Variants in VASH1 observed in about 807,000 individuals in gnomAD.
The protein encoded by VASH1 is tubulinyl-Tyr carboxypeptidase 1.
A neutral mutation model predicts 35.0 loss-of-function variants in VASH1; 16 were observed. The ratio of observed to expected loss-of-function variants is 0.46; its 90% CI spans 0.31 to 0.70. The LOEUF (loss-of-function observed/expected upper bound fraction) is 0.70. VASH1 is among the 30% of genes least tolerant of loss of function. The pLI is 0.05. For missense variants in VASH1, 505 were observed against 510.7 expected, an observed-to-expected ratio of 0.99 and a Z score of 0.11; for synonymous variants, 214 against 200.9, an observed-to-expected ratio of 1.07 and a Z score of -0.55.
Position 76,776,051 on chromosome 14 carries a change from G to A in VASH1, c.690G>A (p.Pro230=), listed in dbSNP as rs758050511. 2 of 1,610,400 alleles carry A rather than the reference G, an allele frequency of 1.2e-6. No homozygotes were observed. Among genetic ancestry groups the A allele is most frequent in the East Asian group, 2.2e-5 (1 of 44,832 alleles). The change falls in exon 5 of 7, where the codon CCG becomes CCA. Residue 230 remains proline, a synonymous_variant. Transcript: ENST00000167106. ...GGCGCGAGGACCTGATGTACAAGCC[G>A]CCCGCCTTCCGCACGCTCAGCGAGC... ...MSRREDLMYK[P]PAFRTLSELV...
At chr14:76,775,640 G>A (rs968722385) in intron 4 of VASH1, among the ~76,000 whole-genome samples, 1 of 152,180 alleles carries the variant, frequency 6.6e-6, no homozygotes, top group Non-Finnish European at 1.5e-5. Context: ...GGACTTCAGA[G>A]CGGTGGCCAC....
At chr14:76,778,172 C>T in intron 6 of VASH1, 101 bp downstream of exon 6, 1 of 859,796 alleles carries the variant, frequency 1.2e-6, no homozygotes, top group Non-Finnish European at 1.6e-6. Context: ...CCACCCTTCT[C>T]TCTTTTTCGC....
chr14:76,777,152 G>A (rs956604795), intron 5 of VASH1, among the ~76,000 whole-genome samples: 2 of 152,168 alleles, frequency 1.3e-5, no homozygotes, highest in Non-Finnish European at 2.9e-5. Context: ...AAGAGCTACG[G>A]CTGCCCTAGC....
At chr14:76,770,179 C>T in intron 2 of VASH1, 128 bp downstream of exon 2, 1 of 838,062 alleles carries the variant, frequency 1.2e-6, no homozygotes, top group South Asian at 1.6e-5. Flanking sequence ...ATTCACGTGA[C>T]ATCTCTGTGC....
At chr14:76,778,237 A>G (rs1393963027) in intron 6 of VASH1, among the ~76,000 whole-genome samples, 166 bp downstream of exon 6, 2 of 151,144 alleles carry the variant, frequency 1.3e-5, no homozygotes, top group African/African-American at 4.9e-5. Flanking sequence ...GTGTATTGAC[A>G]TTTCCCACAG....
At chr14:76,764,028 C>T (rs1893577229) in intron 1 of VASH1, among the ~76,000 whole-genome samples, 1 of 151,172 alleles carries the variant, frequency 6.6e-6, no homozygotes, top group Non-Finnish European at 1.5e-5. Context: ...AAAACATGAT[C>T]AAGACTAGGA....
chr14:76,764,007 T>TA (rs35932679), intron 1 of VASH1, among the ~76,000 whole-genome samples: 37,104 of 143,498 alleles, frequency 0.26, 5,174 homozygotes, highest in East Asian at 0.62. Flanking sequence ...TGCCAGATAT[T>TA]AAAAAAAAAA....
intron 6 of VASH1, among the ~76,000 whole-genome samples, chr14:76,778,638 G>C (rs576940632): frequency 1.3e-5 from 2 of 152,304 alleles, no homozygotes; most frequent in South Asian, 4.1e-4. Flanking sequence ...TTTTATCTAA[G>C]AGGCTTTTGT....
At chr14:76,763,343 C>T (rs1169202407) in intron 1 of VASH1, among the ~76,000 whole-genome samples, 1 of 152,140 alleles carries the variant, frequency 6.6e-6, no homozygotes, top group Non-Finnish European at 1.5e-5. Context: ...GAGGCCCTCC[C>T]CGCTGTCTTT....
rs200551183 is a variant in VASH1 at position 76,771,155 on chromosome 14, G to A, written c.399-35G>A. The A allele has an allele frequency of 6.6e-6, 10 of 1,524,734 alleles. No individual in the cohort carries two copies. In the African/African-American group the frequency reaches 1.4e-4, roughly 21 times the overall value. 94.5% of individuals were successfully genotyped at this position (1,524,734 alleles called of 1,614,324 possible). Reference sequence around the variant, plus strand: ...AGGAAGAGAGGGTCAACCTCCTTCAGGCCAAGCTAGGAAGCCCTTAACCCG... The same window carrying A: ...AGGAAGAGAGGGTCAACCTCCTTCAAGCCAAGCTAGGAAGCCCTTAACCCG... On this transcript the variant is annotated intron_variant, in intron 2 of 6. Coordinates refer to ENST00000167106, the MANE Select transcript of VASH1 (RefSeq NM_014909.5).
In VASH1 at chr14:76,776,256, C is replaced by T; in HGVS notation, c.895C>T (p.Arg299Cys). The T allele has an allele frequency of 2.5e-6, 4 of 1,595,610 alleles. No individual in the cohort carries two copies. Among genetic ancestry groups the T allele is most frequent in the Non-Finnish European group, 3.4e-6 (4 of 1,173,842 alleles). Reference protein sequence around the residue: ...DFRKELERHARDMRLKIGKGT... With the variant: ...DFRKELERHACDMRLKIGKGT... ...CCGCAAGGAGCTGGAGCGCCACGCC[C>T]GCGACATGCGGCTCAAGGTCTGCCC... The change falls in exon 5 of 7, where the codon CGC becomes TGC. Residue 299 changes from arginine (R) to cysteine (C), a missense_variant. By Grantham distance (180) the Arg-to-Cys change is radical. Coordinates refer to ENST00000167106, the MANE Select transcript of VASH1 (RefSeq NM_014909.5).
At position 76,762,898 on chromosome 14, in the gene VASH1, C is replaced by A. The variant is rs759925258; in HGVS notation, c.77C>A (p.Ser26Tyr). 3 of 1,571,588 alleles carry A rather than the reference C, an allele frequency of 1.9e-6. No homozygotes were observed. Among genetic ancestry groups the A allele is most frequent in the Non-Finnish European group, 2.6e-6 (3 of 1,159,768 alleles). The change falls in exon 1 of 7, where the codon TCT (serine) becomes TAT (tyrosine). Residue 26 changes from serine (S) to tyrosine (Y), a missense_variant. Physicochemically the swap from Ser to Tyr is moderately radical, Grantham distance 144. Coordinates refer to ENST00000167106, the MANE Select transcript of VASH1 (RefSeq NM_014909.5). ...TPTSAAATAP[S>Y]GVRRLETSEG... is the part of the protein sequence containing the mutation. ...ACGTCCGCTGCGGCCACCGCCCCCT[C>A]TGGGGTCAGGCGTTTGGAGACCAGC...
At chr14:76,777,495 G>C (rs1000575931) in intron 5 of VASH1, among the ~76,000 whole-genome samples, 11 of 152,242 alleles carry the variant, frequency 7.2e-5, no homozygotes, top group African/African-American at 2.4e-4. Context: ...AAGTCAAGCT[G>C]ACGGTGCCAT....
rs1894027497 is a variant in VASH1, at chr14:76,779,037, A to C, written c.*19A>C. ...GGTCTGAGGCGGATGCCAGCACCCC[A>C]GGCCCCACCCACTCTTGGGGGCCAG... On this transcript the variant is annotated 3_prime_UTR_variant, in exon 7 of 7. Coordinates refer to ENST00000167106, the MANE Select transcript of VASH1 (RefSeq NM_014909.5). 1 of 1,613,344 alleles carries C rather than the reference A, an allele frequency of 6.2e-7. No homozygotes were observed. Among genetic ancestry groups the C allele is most frequent in the East Asian group, 2.2e-5 (1 of 44,882 alleles).
chr14:76,772,154 C>T (rs1219208348), intron 3 of VASH1, among the ~76,000 whole-genome samples: 4 of 152,032 alleles, frequency 2.6e-5, no homozygotes, highest in African/African-American at 9.7e-5. Flanking sequence ...GCAGGAGAAT[C>T]GTTTGAACCT....
chr14:76,770,845 A>T (rs1595272240), intron 2 of VASH1, among the ~76,000 whole-genome samples: 1 of 151,064 alleles, frequency 6.6e-6, no homozygotes, highest in Non-Finnish European at 1.5e-5. Flanking sequence ...GCTGAGTTGG[A>T]CCCCCTACCC....
intron 1 of VASH1, among the ~76,000 whole-genome samples, chr14:76,764,608 G>T (rs11627136): frequency 0.16 from 24,026 of 151,696 alleles, 2,445 homozygotes; most frequent in South Asian, 0.3. Flanking sequence ...TTGTGGGGAA[G>T]AAATGAGAGA....
chr14:76,779,399 G>C lies in VASH1; in HGVS notation c.*381G>C, dbSNP rs759977366. 7.2e-5 allele frequency: 50 copies of C among 698,862 alleles called. 1 individual carries two copies. The South Asian group carries it at 7.4e-4, about 10-fold the overall frequency. The allele number at this position is 698,862 out of a possible 1,614,324, so 43.3% of individuals were successfully genotyped here. A position where few individuals can be genotyped will look rare whatever the true frequency, so the allele number is the denominator to read the frequency against. On this transcript the variant is annotated 3_prime_UTR_variant, in exon 7 of 7. Transcript: ENST00000167106. ...CTCTGCCCCTGGCTTCTCTCTGGGA[G>C]TTGGGTGCATCTTATCAGTGGGAAA...
chr14:76,768,840 G>A (rs1893714519), intron 1 of VASH1, among the ~76,000 whole-genome samples: 1 of 152,198 alleles, frequency 6.6e-6, no homozygotes, highest in Admixed American at 6.5e-5. Context: ...GCCGGGTGGA[G>A]GCTTGGGGGC....
Sources: allele counts gnomAD v4.1 joint callset (sites outside exome capture counted in the v4.1 genomes callset), GRCh38; gene constraint gnomAD v4.1.1; transcripts MANE v1.5; gene names NCBI Gene and HGNC (gene_info 2026-07-23, HGNC 2026-07-21).